The following ATAD5 variants were observed in gnomAD, a reference collection of about 807,000 sequenced individuals.
The protein encoded by ATAD5 is ATPase family AAA domain containing 5, also known as ATPase family AAA domain-containing protein 5.
Under a neutral mutation model 176.9 loss-of-function variants are expected in ATAD5, and 58 were observed. That is an observed-to-expected ratio of 0.33 (90% CI 0.27 to 0.41). ATAD5 has a LOEUF of 0.41. ATAD5 is among the 10% of genes least tolerant of loss of function. The pLI, the probability that ATAD5 is intolerant of heterozygous loss-of-function variation, is 1.00. For synonymous variants in ATAD5, 640 were observed against 712.6 expected, an observed-to-expected ratio of 0.90 and a Z score of 1.62; for missense variants, 1,789 against 2,094.1, an observed-to-expected ratio of 0.85 and a Z score of 2.84.
chr17:30,883,703 T>G (rs1909155347), intron 18 of ATAD5, among the ~76,000 whole-genome samples: 1 of 151,774 alleles, frequency 6.6e-6, no homozygotes. Flanking sequence ...CCTGCCACCA[T>G]GCCCGGCTAA....
chr17:30,894,969 T>G lies in ATAD5; in HGVS notation c.*56T>G. 1 of 1,177,526 alleles carries G rather than the reference T, an allele frequency of 8.5e-7. No individual in the cohort carries two copies. The highest frequency in any genetic ancestry group is 1.2e-6 in the Non-Finnish European group (1 of 846,708). The allele number at this position is 1,177,526 out of a possible 1,614,324, so 72.9% of individuals were successfully genotyped here. On this transcript the variant is annotated 3_prime_UTR_variant, in exon 23 of 23. Transcript: ENST00000321990. ...TATCATGTGGTCCTTAAGATACATTTTTATATTATGTGGATCTTCATGGAA... is the reference window on the plus strand; with the variant it reads ...TATCATGTGGTCCTTAAGATACATTGTTATATTATGTGGATCTTCATGGAA...
intron 14 of ATAD5, 122 bp downstream of exon 14, chr17:30,869,768 C>A (rs1908233195): frequency 1.9e-6 from 2 of 1,027,614 alleles, no homozygotes; most frequent in Non-Finnish European, 2.8e-6. Context: ...GTTTCCTGCC[C>A]ACCCCTGCCA....
chr17:30,847,542 G>A (rs1422554273), intron 6 of ATAD5, among the ~76,000 whole-genome samples: 1 of 151,540 alleles, frequency 6.6e-6, no homozygotes, highest in Non-Finnish European at 1.5e-5. Flanking sequence ...ATGTTGGCCA[G>A]GCTGGTCTTG....
intron 11 of ATAD5, among the ~76,000 whole-genome samples, chr17:30,867,355 G>A (rs1025521771): frequency 6.6e-6 from 1 of 152,008 alleles, no homozygotes; most frequent in African/African-American, 2.4e-5. Flanking sequence ...AGCTATGATC[G>A]CACCCCTACA....
chr17:30,884,079 T>C (rs1909174079), intron 18 of ATAD5, among the ~76,000 whole-genome samples: 3 of 152,302 alleles, frequency 2.0e-5, no homozygotes, highest in South Asian at 4.1e-4. Flanking sequence ...CAGTAGTTGC[T>C]GGCAACTACC....
chr17:30,892,827 T>G, intron 20 of ATAD5, 39 bp downstream of exon 20: 1 of 1,435,002 alleles, frequency 7.0e-7, no homozygotes, highest in Admixed American at 2.3e-5. Flanking sequence ...GAATTTATAT[T>G]CCTTTTCATA....
intron 7 of ATAD5, among the ~76,000 whole-genome samples, chr17:30,856,589 C>T (rs967722959): frequency 6.6e-6 from 1 of 152,168 alleles, no homozygotes; most frequent in African/African-American, 2.4e-5. Flanking sequence ...GCTGGGATTG[C>T]TGGTCTCGAA....
intron 18 of ATAD5, among the ~76,000 whole-genome samples, chr17:30,886,407 T>C (rs922695320): frequency 2.8e-5 from 4 of 142,928 alleles, no homozygotes; most frequent in Non-Finnish European, 6.2e-5. Context: ...TTTATTTATT[T>C]ATTTATTTTC....
In ATAD5 at chr17:30,895,855, G is replaced by T. The variant is rs1369046006; in HGVS notation, c.*942G>T. 1 of 152,044 alleles carries T rather than the reference G, an allele frequency of 6.6e-6. No individual in the cohort carries two copies. Among genetic ancestry groups the T allele is most frequent in the Non-Finnish European group, 1.5e-5 (1 of 68,020 alleles). The allele number at this position is 152,044 out of a possible 1,614,324, so 9.4% of individuals were successfully genotyped here. On this transcript the variant is annotated 3_prime_UTR_variant, in exon 23 of 23. Coordinates refer to ENST00000321990, the MANE Select transcript of ATAD5 (RefSeq NM_024857.5). The stretch of plus-strand genomic sequence containing the variant: ...TAAAGGTTAAAGCTAAAGGCTTTAT[G>T]AAATGTTTAAAAAAGAGTTCAGATG...
chr17:30,860,653 G>A (rs1483669035), intron 10 of ATAD5, 41 bp downstream of exon 10: 1 of 1,467,470 alleles, frequency 6.8e-7, no homozygotes, highest in Non-Finnish European at 9.0e-7. Context: ...AGATTGCTTT[G>A]AGGACATGCA....
chr17:30,868,326 G>A lies in ATAD5; in HGVS notation c.3234-7G>A. 1.3e-6 allele frequency: 2 copies of A among 1,560,960 alleles called. No individual in the cohort carries two copies. Among genetic ancestry groups the A allele is most frequent in the South Asian group, 1.2e-5 (1 of 81,562 alleles). On this transcript the variant is annotated splice_polypyrimidine_tract_variant and splice_region_variant and intron_variant, in intron 11 of 22. Transcript: ENST00000321990. Reference sequence around the variant, plus strand: ...TGAATTATTTTTATTATGTTTTCTTGTGGCAGTTGGTTGAAAGACTGGAAA... The same window carrying A: ...TGAATTATTTTTATTATGTTTTCTTATGGCAGTTGGTTGAAAGACTGGAAA...
intron 18 of ATAD5, among the ~76,000 whole-genome samples, chr17:30,885,351 T>A (rs1224293347): frequency 6.6e-6 from 1 of 152,064 alleles, no homozygotes; most frequent in Admixed American, 6.6e-5. Flanking sequence ...TGTCAGTTTC[T>A]TAGGTTTTTC....
chr17:30,882,801 A>G (rs1454869474), intron 18 of ATAD5, among the ~76,000 whole-genome samples: 1 of 152,180 alleles, frequency 6.6e-6, no homozygotes, highest in Non-Finnish European at 1.5e-5. Flanking sequence ...TATGATAATA[A>G]TTGTATGAAA....
At chr17:30,847,325 T>G (rs535118190) in intron 6 of ATAD5, among the ~76,000 whole-genome samples, 4 of 150,856 alleles carry the variant, frequency 2.7e-5, no homozygotes, top group African/African-American at 9.9e-5. Flanking sequence ...GCTATATATA[T>G]ATAGAGAGAG....
At position 30,868,353 on chromosome 17, in the gene ATAD5, G is replaced by T; in HGVS notation, c.3254G>T (p.Arg1085Ile). The change falls in exon 12 of 23, where the codon AGA becomes ATA. Residue 1085 changes from arginine (R) to isoleucine (I), a missense_variant. By Grantham distance (97) the Arg-to-Ile change is moderately conservative. Transcript: ENST00000321990. ...KLHSWLKDWK[R>I]RAELEERQNL... ...GGCAGTTGGTTGAAAGACTGGAAAAGAAGAGCTGAATTGGAAGAAAGGCAG... is the reference window on the plus strand; with the variant it reads ...GGCAGTTGGTTGAAAGACTGGAAAATAAGAGCTGAATTGGAAGAAAGGCAG... 6.3e-7 allele frequency: 1 copy of T among 1,581,122 alleles called. No individual in the cohort carries two copies.
intron 4 of ATAD5, among the ~76,000 whole-genome samples, chr17:30,841,522 G>C (rs1242323541): frequency 6.6e-6 from 1 of 152,140 alleles, no homozygotes; most frequent in African/African-American, 2.4e-5. Flanking sequence ...ACCATTTAAA[G>C]TGTACAATTC....
At chr17:30,888,653 A>T (rs1909451749) in intron 19 of ATAD5, among the ~76,000 whole-genome samples, 1 of 152,120 alleles carries the variant, frequency 6.6e-6, no homozygotes, top group Admixed American at 6.6e-5. Flanking sequence ...AAGCTCCAAA[A>T]TTCACTTTAC....
rs186320409 is a variant in ATAD5, at chr17:30,842,146, G to A, written c.2241+1365G>A. On this transcript the variant is annotated intron_variant, in intron 4 of 22. Coordinates refer to ENST00000321990, the MANE Select transcript of ATAD5 (RefSeq NM_024857.5). ...TAGCCGGGCATGGTGGCGCGAGCCC[G>A]TAATCTCAGCTACTCAGGAGGCTGA... Among the ~76,000 whole-genome samples the A allele has an allele frequency of 3.9e-3, 586 of 152,098 alleles. 2 individuals are homozygous for A. The highest frequency in any genetic ancestry group is 6.8e-3 in the Middle Eastern group (2 of 294).
rs1909793420 is a variant in ATAD5 at position 30,894,163 on chromosome 17, T to C, written c.5297+13T>C. 4.0e-6 allele frequency: 6 copies of C among 1,514,348 alleles called. No homozygotes were observed. In the South Asian group the frequency reaches 7.9e-5, roughly 20 times the overall value. 93.8% of individuals were successfully genotyped at this position (1,514,348 alleles called of 1,614,324 possible). A position where few individuals can be genotyped will look rare whatever the true frequency, so the allele number is the denominator to read the frequency against. ...CAGCTAATTTAGAGTAAGTCTTACT[T>C]CCTTTACTTTTTATTTTTTGGTAAT... On this transcript the variant is annotated intron_variant, in intron 21 of 22. Transcript: ENST00000321990.
Sources: allele counts gnomAD v4.1 joint callset (sites outside exome capture counted in the v4.1 genomes callset), GRCh38; gene constraint gnomAD v4.1.1; transcripts MANE v1.5; gene names NCBI Gene and HGNC (gene_info 2026-07-23, HGNC 2026-07-21).